Variants in CBL observed in about 807,000 individuals in gnomAD.
CBL encodes Cbl proto-oncogene.
In CBL, 45 loss-of-function variants were observed where a neutral mutation model predicts 96.9. That is an observed-to-expected ratio of 0.46 (90% CI 0.37 to 0.60). CBL has a LOEUF of 0.60. Ranked by LOEUF, CBL falls within the 20% of genes least tolerant of loss-of-function variation. The pLI is 0.00. For missense variants in CBL, 1,024 were observed against 1,143.5 expected, an observed-to-expected ratio of 0.90 and a Z score of 1.51; for synonymous variants, 420 against 426.8, an observed-to-expected ratio of 0.98 and a Z score of 0.20.
At position 119,299,479 on chromosome 11, in the gene CBL, T is replaced by C; in HGVS notation, c.2435-16T>C. The stretch of plus-strand genomic sequence containing the variant: ...TTCCCCAGATTTGCAAATATTTTCT[T>C]TCCTATTTCTTCTAGATGTCACTGA... On this transcript the variant is annotated splice_polypyrimidine_tract_variant and intron_variant, in intron 15 of 15. Transcript: ENST00000264033. The C allele has an allele frequency of 6.2e-7, 1 of 1,612,468 alleles. No homozygotes were observed. The highest frequency in any genetic ancestry group is 8.5e-7 in the Non-Finnish European group (1 of 1,178,506).
At chr11:119,274,275 T>C (rs936086194) in intron 4 of CBL, among the ~76,000 whole-genome samples, 16 of 152,208 alleles carry the variant, frequency 1.1e-4, no homozygotes, top group Non-Finnish European at 2.2e-4. Context: ...TTCCTTGTTA[T>C]TGAATATTCT....
At chr11:119,288,122 A>G (rs543401404) in intron 12 of CBL, among the ~76,000 whole-genome samples, 176 bp downstream of exon 12, 3 of 152,296 alleles carry the variant, frequency 2.0e-5, no homozygotes, top group East Asian at 3.9e-4. Flanking sequence ...TTTTCTGCAT[A>G]TGTGTACCTA....
chr11:119,285,918 G>T (rs1347377598), intron 11 of CBL, among the ~76,000 whole-genome samples: 3 of 151,804 alleles, frequency 2.0e-5, no homozygotes, highest in Non-Finnish European at 4.4e-5. Flanking sequence ...GAAAGAAAAA[G>T]AAATATGTGT....
At chr11:119,239,386 T>C (rs1260350326) in intron 2 of CBL, among the ~76,000 whole-genome samples, 1 of 152,180 alleles carries the variant, frequency 6.6e-6, no homozygotes, top group African/African-American at 2.4e-5. Flanking sequence ...CTATTGTAAA[T>C]GGAATTGTTA....
intron 1 of CBL, among the ~76,000 whole-genome samples, chr11:119,228,921 C>CT (rs1174199447): frequency 6.6e-6 from 1 of 151,894 alleles, no homozygotes; most frequent in East Asian, 1.9e-4. Flanking sequence ...AGTGATTCTC[C>CT]TGCCTCAGCC....
chr11:119,269,386 A>C (rs1310406541), intron 2 of CBL, among the ~76,000 whole-genome samples: 3 of 151,568 alleles, frequency 2.0e-5, no homozygotes, highest in Non-Finnish European at 4.4e-5. Flanking sequence ...ATGCCCGCCT[A>C]ATTTTTGTAT....
chr11:119,280,869 A>T (rs925801751), intron 9 of CBL, among the ~76,000 whole-genome samples: 1 of 152,176 alleles, frequency 6.6e-6, no homozygotes. Context: ...AATTTGGCTT[A>T]GTACTAGTGT....
At chr11:119,290,447 TGA>T (rs1160634583) in intron 12 of CBL, among the ~76,000 whole-genome samples, 6 of 150,784 alleles carry the variant, frequency 4.0e-5, no homozygotes, top group Middle Eastern at 3.4e-3. Context: ...ATCAGGAGAT[TGA>T]GACCATCCTG....
At chr11:119,212,093 A>G (rs1949323252) in intron 1 of CBL, among the ~76,000 whole-genome samples, 1 of 150,298 alleles carries the variant, frequency 6.7e-6, no homozygotes, top group South Asian at 2.1e-4. Flanking sequence ...CTAATTTTGT[A>G]TTTTTAGTAG....
At position 119,307,531 on chromosome 11, in the gene CBL, C is replaced by T. The variant is rs1950154664; in HGVS notation, c.*7750C>T. On this transcript the variant is annotated 3_prime_UTR_variant, in exon 16 of 16. Coordinates refer to ENST00000264033, the MANE Select transcript of CBL (RefSeq NM_005188.4). ...AGTGCCCTCTGCAGGGCCTGGTTTC[C>T]CCAGGGAAGGGCAGCAAGGAACATG... 4.3e-6 allele frequency: 1 copy of T among 232,098 alleles called. No homozygotes were observed. Among genetic ancestry groups the T allele is most frequent in the Non-Finnish European group, 8.5e-6 (1 of 117,066 alleles). The allele number at this position is 232,098 out of a possible 1,614,324, so 14.4% of individuals were successfully genotyped here. A position where few individuals can be genotyped will look rare whatever the true frequency, so the allele number is the denominator to read the frequency against.
At chr11:119,227,367 A>G (rs937556990) in intron 1 of CBL, among the ~76,000 whole-genome samples, 63 of 152,210 alleles carry the variant, frequency 4.1e-4, no homozygotes, top group African/African-American at 1.4e-3. Flanking sequence ...ATGTAACTCC[A>G]TTGTAAATTG....
At chr11:119,285,988 A>G (rs1027011741) in intron 11 of CBL, among the ~76,000 whole-genome samples, 2 of 152,116 alleles carry the variant, frequency 1.3e-5, no homozygotes, top group Non-Finnish European at 2.9e-5. Flanking sequence ...CAGAGATGCT[A>G]TAACATAATT....
rs1419846817 is a variant in CBL, at chr11:119,297,052, C to G, written c.2153+18C>G. On this transcript the variant is annotated intron_variant, in intron 13 of 15. Transcript: ENST00000264033. ...AGTTCACGGTAGGTTCACAACAACC[C>G]TTTTTGGGCCCTATACCTTTATGTG... 2 of 1,305,994 alleles carry G rather than the reference C, an allele frequency of 1.5e-6. No homozygotes were observed. The highest frequency in any genetic ancestry group is 1.7e-5 in the Admixed American group (1 of 59,664). The allele number at this position is 1,305,994 out of a possible 1,614,324, so 80.9% of individuals were successfully genotyped here.
Position 119,271,759 on chromosome 11 carries a change from C to T in CBL, c.468C>T (p.Leu156=). ...GGCGAAACCTAACCAAACTGTCCCT[C>T]ATCTTCAGCCACATGCTGGCAGAAC... is the stretch of plus-strand genomic sequence containing the variant. ...QPRRNLTKLS[L]IFSHMLAELK... The change falls in exon 3 of 16, where the codon CTC becomes CTT. Residue 156 remains leucine (L), a synonymous_variant. Coordinates refer to ENST00000264033, the MANE Select transcript of CBL (RefSeq NM_005188.4). 2 of 1,614,000 alleles carry T rather than the reference C, an allele frequency of 1.2e-6. No individual in the cohort carries two copies. The highest frequency in any genetic ancestry group is 8.5e-7 in the Non-Finnish European group (1 of 1,179,894).
chr11:119,283,707 G>A (rs1355327203), intron 9 of CBL, among the ~76,000 whole-genome samples: 3 of 131,928 alleles, frequency 2.3e-5, no homozygotes, highest in Non-Finnish European at 1.5e-5. Context: ...GCGCTATCTC[G>A]GCTCACTGCA....
At chr11:119,269,519 A>G (rs953213400) in intron 2 of CBL, among the ~76,000 whole-genome samples, 14 of 152,138 alleles carry the variant, frequency 9.2e-5, no homozygotes, top group East Asian at 1.9e-4. Context: ...AAAGATTTCA[A>G]TAGCATTTTT....
intron 5 of CBL, among the ~76,000 whole-genome samples, 165 bp downstream of exon 5, chr11:119,275,118 A>T (rs1949878755): frequency 6.6e-6 from 1 of 152,238 alleles, no homozygotes; most frequent in South Asian, 2.1e-4. Context: ...AGATCCTATA[A>T]TTTGATAAAT....
rs950537388 is a variant in CBL at position 119,304,065 on chromosome 11, A to G, written c.*4284A>G. 4.3e-6 allele frequency: 1 copy of G among 233,614 alleles called. No homozygotes were observed. The highest frequency in any genetic ancestry group is 5.6e-5 in the Admixed American group (1 of 17,786). The allele number at this position is 233,614 out of a possible 1,614,324, so 14.5% of individuals were successfully genotyped here. ...TTGTTGGGTCTTCCAAGAGCCAGACATTAATACAGATTGAACTCCATCAGT... is the reference window on the plus strand; with the variant it reads ...TTGTTGGGTCTTCCAAGAGCCAGACGTTAATACAGATTGAACTCCATCAGT... On this transcript the variant is annotated 3_prime_UTR_variant, in exon 16 of 16. Coordinates refer to ENST00000264033, the MANE Select transcript of CBL (RefSeq NM_005188.4).
rs1949511497 is a variant in CBL, at chr11:119,232,531, G to A, written c.279G>A (p.Gln93=). The A allele has an allele frequency of 6.2e-7, 1 of 1,614,092 alleles. No individual in the cohort carries two copies. The highest frequency in any genetic ancestry group is 1.3e-5 in the African/African-American group (1 of 75,048). ...TAGACCTGCTACCAGATACCTACCA[G>A]CATCTCCGTACTATCTTGTCAAGAT... ...YILDLLPDTY[Q]HLRTILSRYE... The change falls in exon 2 of 16, where the codon CAG becomes CAA. Residue 93 remains glutamine (Q), a synonymous_variant. Transcript: ENST00000264033.
Sources: gnomAD v4.1 joint callset for allele counts (sites outside exome capture counted in the v4.1 genomes callset) on GRCh38, gnomAD v4.1.1 for gene constraint, MANE v1.5 for transcripts, NCBI Gene and HGNC (gene_info 2026-07-23, HGNC 2026-07-21) for gene names.